KDM2B: variants seen among roughly 807,000 people sequenced by gnomAD.
KDM2B encodes the protein lysine-specific demethylase 2B.
In KDM2B, 26 loss-of-function variants were observed where a neutral mutation model predicts 150.0. That is an observed-to-expected ratio of 0.17 (90% CI 0.13 to 0.24). The LOEUF is 0.24. Ranked by LOEUF, KDM2B falls within the 10% of genes least tolerant of loss-of-function variation. KDM2B has a pLI of 1.00. For missense variants in KDM2B, 1,265 were observed against 1,816.9 expected (o/e 0.70, Z 5.52); for synonymous variants, 734 against 729.5 (o/e 1.01, Z -0.10).
At chr12:121,559,051 G>T (rs782683638) in intron 4 of KDM2B, among the ~76,000 whole-genome samples, 2 of 152,198 alleles carry the variant, frequency 1.3e-5, no homozygotes, top group Non-Finnish European at 2.9e-5. Flanking sequence ...CCAAGCCAGG[G>T]TCCCCGCTGA....
At chr12:121,411,640 T>G in the KDM2B span, among the ~76,000 whole-genome samples, 1 of 152,226 alleles carries the variant, frequency 6.6e-6, no homozygotes, top group Non-Finnish European at 1.5e-5. Flanking sequence ...CTAAATAGCA[T>G]GTAAAATTTT....
chr12:121,420,548 C>T, the KDM2B span: 1 of 1,609,504 alleles, frequency 6.2e-7, no homozygotes, highest in Non-Finnish European at 8.5e-7. Context: ...CTTATGGGAC[C>T]AGGGCTAATG....
chr12:121,455,806 C>G (rs1878142646), intron 12 of KDM2B, among the ~76,000 whole-genome samples: 2 of 152,230 alleles, frequency 1.3e-5, no homozygotes, highest in Admixed American at 6.5e-5. Context: ...GGGCCAAGTC[C>G]ACCACACACT....
the KDM2B span, among the ~76,000 whole-genome samples, chr12:121,419,498 C>T: frequency 5.3e-5 from 8 of 152,324 alleles, no homozygotes; most frequent in African/African-American, 1.9e-4. Flanking sequence ...GCACAGCTGA[C>T]TTACATACCC....
At chr12:121,485,952 T>C (rs2140156942) in intron 12 of KDM2B, among the ~76,000 whole-genome samples, 1 of 151,708 alleles carries the variant, frequency 6.6e-6, no homozygotes, top group East Asian at 1.9e-4. Context: ...AATTTTTGTA[T>C]TTTTAGTACA....
At chr12:121,532,147 T>C (rs190818527) in intron 8 of KDM2B, among the ~76,000 whole-genome samples, 50 of 150,660 alleles carry the variant, frequency 3.3e-4, no homozygotes, top group African/African-American at 1.2e-3. Context: ...GCACAACTCC[T>C]ATGTGTGGCC....
intron 4 of KDM2B, among the ~76,000 whole-genome samples, chr12:121,560,798 G>A (rs893929410): frequency 6.6e-6 from 1 of 152,148 alleles, no homozygotes; most frequent in East Asian, 1.9e-4. Flanking sequence ...TTTGGCACCG[G>A]GGAGGAGGCA....
At chr12:121,487,946 T>C (rs576646492) in intron 12 of KDM2B, among the ~76,000 whole-genome samples, 4 of 152,162 alleles carry the variant, frequency 2.6e-5, no homozygotes, top group African/African-American at 9.6e-5. Context: ...CATGCCCGGC[T>C]AATTTTTTGT....
chr12:121,423,338 G>A, the KDM2B span: 7 of 1,480,780 alleles, frequency 4.7e-6, no homozygotes, highest in Non-Finnish European at 6.4e-6. The surrounding 1 kb of genome is among the most constrained non-coding windows in gnomAD (Gnocchi z 4.3). Context: ...GTGGCTGGCT[G>A]ACTGGCCATG....
chr12:121,504,540 A>C (rs1312475203), intron 11 of KDM2B, among the ~76,000 whole-genome samples: 1 of 152,138 alleles, frequency 6.6e-6, no homozygotes, highest in Non-Finnish European at 1.5e-5. Context: ...CATCTCAAAA[A>C]AAAACCAAAA....
In KDM2B at chr12:121,546,003, G is replaced by A. The variant is rs529564137; in HGVS notation, c.683+2874C>T. Among the ~76,000 whole-genome samples the A allele has an allele frequency of 9.2e-5, 14 of 152,156 alleles. No homozygotes were observed. The South Asian group carries it at 2.7e-3, about 29-fold the overall frequency. On this transcript the variant is annotated intron_variant, in intron 6 of 22. Coordinates refer to ENST00000377071, the MANE Select transcript of KDM2B (RefSeq NM_032590.5). ...GACTCCAGCTCAGAACACCTTCCCC[G>A]ACCACCTTGACTGGGCGAATCTCCT...
At chr12:121,580,051 AT>A in intron 1 of KDM2B, 7 of 1,578,896 alleles carry the variant, frequency 4.4e-6, no homozygotes, top group East Asian at 2.3e-5. Context: ...CTCTGCCTCC[AT>A]TTTTTTAGGA....
the KDM2B span, among the ~76,000 whole-genome samples, chr12:121,414,530 A>G: frequency 6.6e-6 from 1 of 152,218 alleles, no homozygotes. Flanking sequence ...AAAACCATAG[A>G]AAGCAATACA....
At chr12:121,557,598 G>A (rs1890001115) in intron 4 of KDM2B, among the ~76,000 whole-genome samples, 1 of 152,116 alleles carries the variant, frequency 6.6e-6, no homozygotes, top group African/African-American at 2.4e-5. Context: ...TGAAGACGGA[G>A]GCAGAGATCA....
intron 12 of KDM2B, among the ~76,000 whole-genome samples, chr12:121,456,698 C>CT (rs1243726790): frequency 6.6e-6 from 1 of 152,192 alleles, no homozygotes; most frequent in African/African-American, 2.4e-5. Flanking sequence ...CCAATCCAGT[C>CT]TGAGTCTCGA....
At chr12:121,523,592 C>T (rs1460343482) in intron 8 of KDM2B, among the ~76,000 whole-genome samples, 1 of 152,266 alleles carries the variant, frequency 6.6e-6, no homozygotes, top group Non-Finnish European at 1.5e-5. Context: ...GGGAGCAACG[C>T]TCCTGCCTGG....
chr12:121,516,888 A>G (rs1886253268), intron 9 of KDM2B: 2 of 665,068 alleles, frequency 3.0e-6, no homozygotes, highest in East Asian at 2.7e-5. Context: ...AAAAAAATCA[A>G]TGGAAAAAAA....
chr12:121,531,603 A>G (rs1887664246), intron 8 of KDM2B, among the ~76,000 whole-genome samples: 1 of 152,164 alleles, frequency 6.6e-6, no homozygotes, highest in South Asian at 2.1e-4. Context: ...TTATTTCAAC[A>G]CCACTCGGCT....
intron 4 of KDM2B, among the ~76,000 whole-genome samples, chr12:121,570,978 A>C (rs1225233360): frequency 6.6e-6 from 1 of 152,228 alleles, no homozygotes; most frequent in Non-Finnish European, 1.5e-5. Context: ...AATGTAGTCT[A>C]TCCATACAAT....
Sources: allele counts gnomAD v4.1 joint callset (sites outside exome capture counted in the v4.1 genomes callset), GRCh38; gene constraint gnomAD v4.1.1; non-coding constraint Gnocchi (gnomAD v3.1); transcripts MANE v1.5; gene names NCBI Gene and HGNC (gene_info 2026-07-23, HGNC 2026-07-21).